Variants in ATP5MJ observed in about 807,000 individuals in gnomAD.
ATP5MJ encodes the protein ATP synthase membrane subunit j.
Under a neutral mutation model 8.3 loss-of-function variants are expected in ATP5MJ, and 4 were observed. The observed-to-expected ratio is 0.48, with a 90% CI of 0.24 to 1.11. The LOEUF is 1.11. ATP5MJ is among the 50% of genes least tolerant of loss of function. ATP5MJ has a pLI of 0.18. For synonymous variants in ATP5MJ, 23 were observed against 21.3 expected (o/e 1.08, Z -0.23); for missense variants, 66 against 71.8 (o/e 0.92, Z 0.29).
intron 2 of ATP5MJ, chr14:103,914,714 C>A (rs1388526527): frequency 1.5e-5 from 8 of 549,250 alleles, no homozygotes; most frequent in South Asian, 2.8e-5. Flanking sequence ...GTGGTCCTAG[C>A]TACTTGGCAG....
chr14:103,913,524 C>T lies in ATP5MJ; in HGVS notation c.148+437G>A, dbSNP rs540999572. On this transcript the variant is annotated intron_variant, in intron 3 of 3. Transcript: ENST00000286953. ...TACTCAGAAGGCTGAGGCAGGAGAA[C>T]GGCATGAACCTGGGAGGCGGAGCTT... The T allele has an allele frequency of 2.9e-4, 62 of 215,892 alleles. 1 individual carries two copies. The highest frequency in any genetic ancestry group is 1.7e-4 in the South Asian group (1 of 6,010). 13.4% of individuals were successfully genotyped at this position (215,892 alleles called of 1,614,324 possible).
chr14:103,921,094 A>C, intron 1 of ATP5MJ: 2 of 1,441,100 alleles, frequency 1.4e-6, no homozygotes, highest in Non-Finnish European at 1.9e-6. Flanking sequence ...TTGAGTTATA[A>C]AGGAGAGAAG....
intron 1 of ATP5MJ, among the ~76,000 whole-genome samples, chr14:103,918,446 C>T (rs959710277): frequency 2.0e-5 from 3 of 152,136 alleles, no homozygotes; most frequent in African/African-American, 4.8e-5. Context: ...TTGCAAGCTC[C>T]GCCTCCCGGG....
intron 1 of ATP5MJ, among the ~76,000 whole-genome samples, chr14:103,916,315 T>C (rs187256036): frequency 1.1e-4 from 16 of 152,348 alleles, no homozygotes; most frequent in Admixed American, 9.2e-4. Context: ...CTCTCTACTA[T>C]AGACCGCAAA....
At chr14:103,920,129 C>CTT (rs74373978) in intron 1 of ATP5MJ, among the ~76,000 whole-genome samples, 1,337 of 121,474 alleles carry the variant, frequency 0.011, 10 homozygotes, top group Middle Eastern at 0.024. Context: ...CCGGCCCCTA[C>CTT]TTTTTTTTTT....
intron 1 of ATP5MJ, chr14:103,921,080 A>T: frequency 2.0e-6 from 3 of 1,522,600 alleles, no homozygotes; most frequent in Non-Finnish European, 2.7e-6. Context: ...TGGCGCAAGG[A>T]AACTTGAGTT....
At chr14:103,921,069 G>C in intron 1 of ATP5MJ, 1 of 1,542,492 alleles carries the variant, frequency 6.5e-7, no homozygotes, top group South Asian at 1.2e-5. Flanking sequence ...GGAGGGCAGT[G>C]TGGCGCAAGG....
At chr14:103,913,463 T>C (rs946044533) in intron 3 of ATP5MJ, 2 of 173,712 alleles carry the variant, frequency 1.2e-5, no homozygotes, top group Non-Finnish European at 2.4e-5. Flanking sequence ...TACAAAACAT[T>C]AGCCAGGCGT....
chr14:103,918,582 G>A (rs1006719928), intron 1 of ATP5MJ, among the ~76,000 whole-genome samples: 1 of 151,714 alleles, frequency 6.6e-6, no homozygotes, highest in Non-Finnish European at 1.5e-5. Context: ...GGATGGTCTC[G>A]ATCTCCTGAC....
Position 103,912,541 on chromosome 14 carries a change from T to C in ATP5MJ, c.*125A>G, listed in dbSNP as rs1255184769. 2 of 984,866 alleles carry C rather than the reference T, an allele frequency of 2.0e-6. No homozygotes were observed. The highest frequency in any genetic ancestry group is 2.0e-5 in the Admixed American group (1 of 49,004). 61.0% of individuals were successfully genotyped at this position (984,866 alleles called of 1,614,324 possible). ...TGCATCTCACAGATCCATTTATTCA[T>C]GCCATGAAGTAAACGGTACTTATAC... On this transcript the variant is annotated 3_prime_UTR_variant, in exon 4 of 4. Coordinates refer to ENST00000286953, the MANE Select transcript of ATP5MJ (RefSeq NM_004894.3).
chr14:103,920,160 T>C (rs903129681), intron 1 of ATP5MJ, among the ~76,000 whole-genome samples: 2 of 139,196 alleles, frequency 1.4e-5, no homozygotes, highest in African/African-American at 5.4e-5. Context: ...AGTCTCGCTT[T>C]GTCACCCAGG....
intron 2 of ATP5MJ, 33 bp downstream of exon 2, chr14:103,915,033 G>C: frequency 6.2e-7 from 1 of 1,612,800 alleles, no homozygotes; most frequent in Non-Finnish European, 8.5e-7. Flanking sequence ...TTTTCTTCCT[G>C]ACCTCAGAAA....
chr14:103,913,519 G>A (rs961085109), intron 3 of ATP5MJ: 3 of 213,748 alleles, frequency 1.4e-5, no homozygotes, highest in African/African-American at 4.5e-5. Context: ...GCTGAGGCAG[G>A]AGAACGGCAT....
At chr14:103,914,290 T>C (rs1018074923) in intron 2 of ATP5MJ, 5 of 563,086 alleles carry the variant, frequency 8.9e-6, no homozygotes, top group Non-Finnish European at 1.6e-5. Context: ...TGGGCCACAC[T>C]GCTCTGCTCT....
chr14:103,916,475 G>A (rs1334923901), intron 1 of ATP5MJ, among the ~76,000 whole-genome samples: 2 of 152,220 alleles, frequency 1.3e-5, no homozygotes, highest in Non-Finnish European at 2.9e-5. Flanking sequence ...GCTCATGCCT[G>A]TAATCCCAGC....
In ATP5MJ at chr14:103,914,862, AGAAAAG is replaced by A. The variant is rs1279633151; in HGVS notation, c.124+198_124+203del. The A allele has an allele frequency of 3.1e-3, 1,601 of 512,366 alleles. 38 individuals carry two copies. The highest frequency in any genetic ancestry group is 0.031 in the African/African-American group (1,464 of 47,614). The allele number at this position is 512,366 out of a possible 1,614,324, so 31.7% of individuals were successfully genotyped here. A position where few individuals can be genotyped will look rare whatever the true frequency, so the allele number is the denominator to read the frequency against. On this transcript the variant is annotated intron_variant, in intron 2 of 3. Transcript: ENST00000286953. ...CAAAAAAAAAAAAAAAAAAAAGAAA[AGAAAAG>A]AAAAAAAAAATTCCCCACTGTCCCC...
At chr14:103,917,281 A>G (rs2087632885) in intron 1 of ATP5MJ, among the ~76,000 whole-genome samples, 1 of 152,202 alleles carries the variant, frequency 6.6e-6, no homozygotes, top group African/African-American at 2.4e-5. Flanking sequence ...GTTATGGAGA[A>G]TAACATAGAA....
chr14:103,914,995 T>C (rs894420427), intron 2 of ATP5MJ, 71 bp downstream of exon 2: 4 of 1,595,732 alleles, frequency 2.5e-6, no homozygotes, highest in African/African-American at 2.7e-5. Flanking sequence ...TCCTTTACAA[T>C]GTGAATTGTG....
At chr14:103,918,513 A>C (rs942505336) in intron 1 of ATP5MJ, among the ~76,000 whole-genome samples, 1 of 151,830 alleles carries the variant, frequency 6.6e-6, no homozygotes, top group Non-Finnish European at 1.5e-5. Context: ...GGTGCCCGCC[A>C]CCACGCCTGG....
Sources: allele counts gnomAD v4.1 joint callset (sites outside exome capture counted in the v4.1 genomes callset), GRCh38; gene constraint gnomAD v4.1.1; transcripts MANE v1.5; gene names NCBI Gene and HGNC (gene_info 2026-07-23, HGNC 2026-07-21).